Variants in ELMO1 observed in about 807,000 individuals in gnomAD.
ELMO1 encodes engulfment and cell motility protein 1.
A neutral mutation model predicts 98.9 loss-of-function variants in ELMO1; 26 were observed. That is an observed-to-expected ratio of 0.26 (90% CI 0.19 to 0.36). ELMO1 has a LOEUF of 0.36. Ranked by LOEUF, ELMO1 falls within the 10% of genes least tolerant of loss-of-function variation. ELMO1 has a pLI of 1.00. For missense variants in ELMO1, 627 were observed against 935.2 expected (o/e 0.67, Z 4.30); for synonymous variants, 346 against 346.0 (o/e 1.00, Z 0.00).
intron 15 of ELMO1, among the ~76,000 whole-genome samples, chr7:37,089,475 C>A (rs1783956991): frequency 6.6e-6 from 1 of 152,140 alleles, no homozygotes; most frequent in African/African-American, 2.4e-5. Context: ...TTCTGCTCTT[C>A]AAAATACACC....
chr7:36,918,312 C>A (rs1784867056), intron 16 of ELMO1, among the ~76,000 whole-genome samples: 1 of 152,166 alleles, frequency 6.6e-6, no homozygotes, highest in Admixed American at 6.5e-5. Context: ...GTAGGAGGTG[C>A]TCAACACCTA....
At chr7:37,242,594 T>G (rs959318563) in intron 7 of ELMO1, among the ~76,000 whole-genome samples, 1 of 152,242 alleles carries the variant, frequency 6.6e-6, no homozygotes, top group East Asian at 1.9e-4. Context: ...GTGATAATTT[T>G]TGTTCTAGCA....
intron 13 of ELMO1, among the ~76,000 whole-genome samples, chr7:37,152,246 T>G (rs79637184): frequency 6.6e-6 from 1 of 152,088 alleles, no homozygotes; most frequent in Admixed American, 6.5e-5. Flanking sequence ...ATCTGGATGA[T>G]AGGAGGTGGC....
chr7:36,943,533 A>C (rs1349035699), intron 16 of ELMO1, among the ~76,000 whole-genome samples: 1 of 152,128 alleles, frequency 6.6e-6, no homozygotes, highest in Non-Finnish European at 1.5e-5. Flanking sequence ...GTTTTGGGGG[A>C]TAAGGACTGT....
At chr7:36,899,147 G>T (rs1346666648) in intron 16 of ELMO1, among the ~76,000 whole-genome samples, 1 of 152,202 alleles carries the variant, frequency 6.6e-6, no homozygotes, top group Non-Finnish European at 1.5e-5. Context: ...GGAGCTGCAA[G>T]GTGTGGTTGA....
intron 15 of ELMO1, among the ~76,000 whole-genome samples, chr7:37,050,502 G>A (rs1184584372): frequency 1.3e-5 from 2 of 151,930 alleles, no homozygotes; most frequent in East Asian, 3.9e-4. Flanking sequence ...ACTCTGCAAG[G>A]GAGTGCACGC....
chr7:36,918,278 T>C (rs1236285905), intron 16 of ELMO1, among the ~76,000 whole-genome samples: 1 of 152,158 alleles, frequency 6.6e-6, no homozygotes, highest in East Asian at 1.9e-4. Context: ...TTAAACCAGA[T>C]CTATAAGTCA....
chr7:37,220,135 T>C (rs1361398909), intron 10 of ELMO1, among the ~76,000 whole-genome samples: 1 of 152,232 alleles, frequency 6.6e-6, no homozygotes, highest in Non-Finnish European at 1.5e-5. Flanking sequence ...CAGAAAATAA[T>C]ATCCAACAAA....
At chr7:37,316,545 G>C (rs1799169396) in intron 2 of ELMO1, among the ~76,000 whole-genome samples, 1 of 152,154 alleles carries the variant, frequency 6.6e-6, no homozygotes, top group Admixed American at 6.5e-5. Context: ...CATGTGCCCT[G>C]GTGTCAACTG....
intron 16 of ELMO1, among the ~76,000 whole-genome samples, chr7:36,940,442 G>T (rs1458172841): frequency 6.6e-6 from 1 of 152,198 alleles, no homozygotes; most frequent in African/African-American, 2.4e-5. Flanking sequence ...GCAGGTATTT[G>T]TATATTCTTT....
chr7:36,866,044 A>AGC (rs1166644244), intron 20 of ELMO1, among the ~76,000 whole-genome samples: 2 of 152,224 alleles, frequency 1.3e-5, no homozygotes, highest in African/African-American at 4.8e-5. Flanking sequence ...GGAAGATGGA[A>AGC]GCTTCTCATA....
At chr7:37,042,295 T>G (rs1795564697) in intron 15 of ELMO1, among the ~76,000 whole-genome samples, 1 of 152,128 alleles carries the variant, frequency 6.6e-6, no homozygotes, top group African/African-American at 2.4e-5. Flanking sequence ...ATTTTACATT[T>G]CACTGTAAAG....
intron 13 of ELMO1, among the ~76,000 whole-genome samples, chr7:37,193,219 C>G (rs1269184556): frequency 6.6e-6 from 1 of 151,884 alleles, no homozygotes; most frequent in African/African-American, 2.4e-5. Context: ...CACTTCCCCC[C>G]TGGATTCTTG....
chr7:37,392,723 TCTC>T (rs1803133275), intron 1 of ELMO1, among the ~76,000 whole-genome samples: 1 of 152,150 alleles, frequency 6.6e-6, no homozygotes, highest in Non-Finnish European at 1.5e-5. Flanking sequence ...TACCAAATGC[TCTC>T]CTGATTACAA....
At chr7:36,878,379 T>C (rs559462749) in intron 18 of ELMO1, among the ~76,000 whole-genome samples, 72 of 152,312 alleles carry the variant, frequency 4.7e-4, no homozygotes, top group Non-Finnish European at 9.0e-4. Flanking sequence ...ATAGATTTTA[T>C]GAGGTGGTGG....
At chr7:37,315,489 T>C (rs1433326738) in intron 3 of ELMO1, among the ~76,000 whole-genome samples, 2 of 152,150 alleles carry the variant, frequency 1.3e-5, no homozygotes, top group African/African-American at 2.4e-5. Flanking sequence ...CACAAAGAAG[T>C]AGGAAAGTCA....
At chr7:37,134,783 C>T (rs756308851) in intron 13 of ELMO1, among the ~76,000 whole-genome samples, 8 of 152,056 alleles carry the variant, frequency 5.3e-5, no homozygotes, top group Non-Finnish European at 1.0e-4. Context: ...GAACTGGAAG[C>T]CATTATTTTA....
chr7:37,184,748 C>G (rs912138338), intron 13 of ELMO1, among the ~76,000 whole-genome samples: 2 of 151,596 alleles, frequency 1.3e-5, no homozygotes, highest in Non-Finnish European at 2.9e-5. Context: ...TCTCTACCCC[C>G]CAAAAAAGAC....
At chr7:37,379,293 G>A (rs1802492639) in intron 1 of ELMO1, among the ~76,000 whole-genome samples, 1 of 151,978 alleles carries the variant, frequency 6.6e-6, no homozygotes, top group Non-Finnish European at 1.5e-5. Context: ...ACCCACCTCG[G>A]CCTCCCAAAG....
Sources: allele counts gnomAD v4.1 joint callset (sites outside exome capture counted in the v4.1 genomes callset), GRCh38; gene constraint gnomAD v4.1.1; transcripts MANE v1.5; gene names NCBI Gene and HGNC (gene_info 2026-07-23, HGNC 2026-07-21).